Variants in DLG2 observed in about 807,000 individuals in gnomAD.
DLG2 encodes discs large MAGUK scaffold protein 2.
A neutral mutation model predicts 132.5 loss-of-function variants in DLG2; 45 were observed. That is an observed-to-expected ratio of 0.34 (90% CI 0.27 to 0.44). DLG2 has a LOEUF of 0.44. DLG2 is among the 20% of genes least tolerant of loss of function. The pLI is 1.00. For missense variants in DLG2, 1,045 were observed against 1,196.9 expected (o/e 0.87, Z 1.87); for synonymous variants, 424 against 419.6 (o/e 1.01, Z -0.13).
intron 6 of DLG2, among the ~76,000 whole-genome samples, chr11:84,697,631 CACA>C (rs1216163184): frequency 8.6e-5 from 13 of 151,420 alleles, no homozygotes; most frequent in Middle Eastern, 3.2e-3. Flanking sequence ...ACTTAATTAT[CACA>C]ACAACTCCTT....
At chr11:83,519,158 C>T (rs970863633) in intron 21 of DLG2, among the ~76,000 whole-genome samples, 5 of 152,072 alleles carry the variant, frequency 3.3e-5, no homozygotes, top group African/African-American at 1.2e-4. Flanking sequence ...GGAGTAAGAC[C>T]CAGATGGGGC....
intron 6 of DLG2, among the ~76,000 whole-genome samples, chr11:84,898,242 A>G (rs1475530864): frequency 2.0e-5 from 3 of 151,972 alleles, no homozygotes; most frequent in Non-Finnish European, 4.4e-5. Flanking sequence ...AATCAGCTGT[A>G]ATACTTCACT....
At chr11:85,304,023 T>A (rs180983665) in intron 3 of DLG2, among the ~76,000 whole-genome samples, 1 of 152,284 alleles carries the variant, frequency 6.6e-6, no homozygotes, top group East Asian at 1.9e-4. Context: ...TCAGACCTTT[T>A]TGTCAAACAA....
At chr11:83,791,033 G>A (rs1442667702) in intron 17 of DLG2, 2 of 744,194 alleles carry the variant, frequency 2.7e-6, no homozygotes, top group Non-Finnish European at 4.7e-6. Context: ...CCTGGCACGC[G>A]GTCTCAGACT....
chr11:83,644,133 A>G (rs926654313), intron 18 of DLG2, among the ~76,000 whole-genome samples: 3 of 152,164 alleles, frequency 2.0e-5, no homozygotes, highest in Non-Finnish European at 4.4e-5. Flanking sequence ...TCCTTCAAAT[A>G]CAACAGATAC....
chr11:84,412,680 T>C (rs1314188304), intron 7 of DLG2, among the ~76,000 whole-genome samples: 1 of 152,202 alleles, frequency 6.6e-6, no homozygotes, highest in Non-Finnish European at 1.5e-5. Flanking sequence ...CCTTCCTTAC[T>C]GGCTGTTCCC....
intron 19 of DLG2, among the ~76,000 whole-genome samples, chr11:83,579,914 G>A (rs1361843988): frequency 6.6e-6 from 1 of 152,028 alleles, no homozygotes; most frequent in Non-Finnish European, 1.5e-5. Context: ...AGGGTGCAGT[G>A]AGCCGAGATC....
chr11:85,020,523 GA>G (rs2059960306), intron 6 of DLG2, among the ~76,000 whole-genome samples: 1 of 152,112 alleles, frequency 6.6e-6, no homozygotes, highest in African/African-American at 2.4e-5. Flanking sequence ...TTTTAGTCAT[GA>G]AGTCCTTGCC....
At chr11:85,226,955 A>T (rs2075014284) in intron 4 of DLG2, among the ~76,000 whole-genome samples, 1 of 152,132 alleles carries the variant, frequency 6.6e-6, no homozygotes, top group African/African-American at 2.4e-5. Flanking sequence ...GGTGAAGCTT[A>T]AACATTCTTA....
intron 3 of DLG2, among the ~76,000 whole-genome samples, chr11:85,379,174 C>A (rs149045640): frequency 3.3e-5 from 5 of 152,122 alleles, no homozygotes; most frequent in African/African-American, 4.8e-5. Context: ...CATGAAAATG[C>A]GGAGAAGAGT....
chr11:83,730,462 G>C (rs1391845021), intron 18 of DLG2, among the ~76,000 whole-genome samples: 1 of 152,116 alleles, frequency 6.6e-6, no homozygotes, highest in African/African-American at 2.4e-5. Flanking sequence ...CAATCAAGAA[G>C]AAGCAGATGT....
chr11:84,016,449 C>T lies in DLG2; in HGVS notation c.920-35807G>A, dbSNP rs116308600. Among the ~76,000 whole-genome samples, 750 of 152,126 alleles carry T rather than the reference C, an allele frequency of 4.9e-3. 3 individuals are homozygous for T. The highest frequency in any genetic ancestry group is 0.018 in the African/African-American group (728 of 41,506). On this transcript the variant is annotated intron_variant, in intron 11 of 27. Transcript: ENST00000376104. ...CATGCCTATGTCTTGAATGGTATTG[C>T]CTAGGTTGTCTTTGAGGGCTTTTAT...
chr11:83,465,975 C>T (rs1433251732), intron 26 of DLG2, among the ~76,000 whole-genome samples: 1 of 152,144 alleles, frequency 6.6e-6, no homozygotes, highest in African/African-American at 2.4e-5. Flanking sequence ...ACTTTACAGT[C>T]AGATCGTGAA....
At chr11:83,717,141 A>T (rs575950753) in intron 18 of DLG2, among the ~76,000 whole-genome samples, 1 of 152,284 alleles carries the variant, frequency 6.6e-6, no homozygotes, top group East Asian at 1.9e-4. Context: ...AGTACAGTAT[A>T]CCTCTCACTA....
chr11:84,329,096 C>A (rs532549241), intron 7 of DLG2, among the ~76,000 whole-genome samples: 1 of 152,228 alleles, frequency 6.6e-6, no homozygotes, highest in South Asian at 2.1e-4. Flanking sequence ...GAACTTGTCC[C>A]ATTAAGGTGA....
chr11:83,610,717 G>A (rs1425800209), intron 19 of DLG2, among the ~76,000 whole-genome samples: 1 of 152,038 alleles, frequency 6.6e-6, no homozygotes, highest in Non-Finnish European at 1.5e-5. Flanking sequence ...CATTTATTGA[G>A]CATCTTTTAC....
At chr11:84,114,820 C>G (rs934707264) in intron 9 of DLG2, among the ~76,000 whole-genome samples, 1 of 140,540 alleles carries the variant, frequency 7.1e-6, no homozygotes, top group Non-Finnish European at 1.6e-5. Context: ...AACCATGAAG[C>G]CTGGCTATTT....
chr11:85,405,039 T>A (rs185995940), intron 3 of DLG2, among the ~76,000 whole-genome samples: 1 of 151,964 alleles, frequency 6.6e-6, no homozygotes, highest in Admixed American at 6.6e-5. Flanking sequence ...GGAAAAACAA[T>A]GGCTAATATA....
At chr11:85,045,108 G>A (rs972365824) in intron 6 of DLG2, among the ~76,000 whole-genome samples, 1 of 152,124 alleles carries the variant, frequency 6.6e-6, no homozygotes, top group African/African-American at 2.4e-5. Context: ...TTGGGAACAA[G>A]TAAGCCAAAT....
Sources: allele counts gnomAD v4.1 joint callset (sites outside exome capture counted in the v4.1 genomes callset), GRCh38; gene constraint gnomAD v4.1.1; transcripts MANE v1.5; gene names NCBI Gene and HGNC (gene_info 2026-07-23, HGNC 2026-07-21).